Variants in IGDCC3 observed in about 807,000 individuals in gnomAD.
The protein encoded by IGDCC3 is putative neuronal cell adhesion molecule.
A neutral mutation model predicts 72.0 loss-of-function variants in IGDCC3; 47 were observed. The observed-to-expected ratio is 0.65, with a 90% confidence interval of 0.52 to 0.83. The LOEUF (loss-of-function observed/expected upper bound fraction) is 0.83. Ranked by LOEUF, IGDCC3 falls within the 40% of genes least tolerant of loss-of-function variation. IGDCC3 has a pLI of 0.00. For synonymous variants in IGDCC3, 477 were observed against 472.8 expected (o/e 1.01, Z -0.11); for missense variants, 1,038 against 1,091.3 (o/e 0.95, Z 0.69).
intron 2 of IGDCC3, among the ~76,000 whole-genome samples, chr15:65,357,460 G>A (rs1315048733): frequency 6.6e-6 from 1 of 152,144 alleles, no homozygotes; most frequent in African/African-American, 2.4e-5. Flanking sequence ...ACCATAATTC[G>A]ATTATAAGCA....
At chr15:65,335,600 C>A (rs528637234) in intron 3 of IGDCC3, among the ~76,000 whole-genome samples, 179 bp from the exon 4 acceptor site, 2 of 152,200 alleles carry the variant, frequency 1.3e-5, no homozygotes, top group South Asian at 4.1e-4. Context: ...TGACAACGAT[C>A]GCACACATCC....
chr15:65,328,989 C>T lies in IGDCC3; in HGVS notation c.2365G>A (p.Gly789Ser), dbSNP rs747895419. The change falls in exon 14 of 14, where the codon GGC (glycine) becomes AGC (serine). Residue 789 changes from glycine (G) to serine (S), a missense_variant. Coordinates refer to ENST00000327987, the MANE Select transcript of IGDCC3 (RefSeq NM_004884.4). ...TGGCCTTCACTGAGGAGGCCAGGGC[C>T]TCCATCTGGGGGTGGTGGGGCAGCC... ...LAAAPPPPDG[G>S]PGLLSEGQAS... 1.4e-5 allele frequency: 23 copies of T among 1,609,798 alleles called. No homozygotes were observed. The highest frequency in any genetic ancestry group is 3.3e-5 in the South Asian group (3 of 90,714).
chr15:65,343,107 T>C lies in IGDCC3; in HGVS notation c.410-7151A>G, dbSNP rs187449122. On this transcript the variant is annotated intron_variant, in intron 2 of 13. Coordinates refer to ENST00000327987, the MANE Select transcript of IGDCC3 (RefSeq NM_004884.4). ...CAGGGATGATCACAGCTCAAGTCAC[T>C]AGAGCCACTGCAATAGGGGGATTCA... is the stretch of plus-strand genomic sequence containing the variant. 4.2e-3 allele frequency among the ~76,000 whole-genome samples: 640 copies of C among 152,318 alleles called. 1 individual carries two copies. Among genetic ancestry groups the C allele is most frequent in the Non-Finnish European group, 8.0e-3 (544 of 68,032 alleles).
At chr15:65,358,704 C>G (rs1311912713) in intron 2 of IGDCC3, among the ~76,000 whole-genome samples, 1 of 152,076 alleles carries the variant, frequency 6.6e-6, no homozygotes, top group Non-Finnish European at 1.5e-5. Context: ...CATGGTCTCT[C>G]TCTGTCACCC....
In IGDCC3 at chr15:65,328,163, G is replaced by A. The variant is rs2141028124; in HGVS notation, c.*746C>T. 1 of 152,714 alleles carries A rather than the reference G, an allele frequency of 6.5e-6. No individual in the cohort carries two copies. Among genetic ancestry groups the A allele is most frequent in the African/African-American group, 2.4e-5 (1 of 41,530 alleles). 9.5% of individuals were successfully genotyped at this position (152,714 alleles called of 1,614,324 possible). ...GGAGAGGTAGGTGGGCTGTGGGCAG[G>A]AGGGGCGGGGAGGCAGGTCCAGTGA... On this transcript the variant is annotated 3_prime_UTR_variant, in exon 14 of 14. Transcript: ENST00000327987.
At chr15:65,335,702 C>A in intron 3 of IGDCC3, 110 bp downstream of exon 3, 3 of 1,255,028 alleles carry the variant, frequency 2.4e-6, no homozygotes, top group South Asian at 1.3e-5. Flanking sequence ...CTATCTCAGG[C>A]ACCTGTGGGC....
At chr15:65,330,789 T>TATC (rs1304945385) in intron 9 of IGDCC3, 48 bp from the exon 10 acceptor site, 3 of 1,451,832 alleles carry the variant, frequency 2.1e-6, no homozygotes, top group Non-Finnish European at 2.8e-6. Flanking sequence ...GTGGAAGCTC[T>TATC]ATCTTTCTAC....
intron 2 of IGDCC3, among the ~76,000 whole-genome samples, chr15:65,368,369 C>T (rs1349981074): frequency 1.3e-5 from 2 of 152,146 alleles, no homozygotes; most frequent in Non-Finnish European, 2.9e-5. Flanking sequence ...CACCGGCCCA[C>T]ATTCCCAGCC....
At chr15:65,341,261 C>T (rs1375449927) in intron 2 of IGDCC3, among the ~76,000 whole-genome samples, 1 of 152,084 alleles carries the variant, frequency 6.6e-6, no homozygotes, top group African/African-American at 2.4e-5. Context: ...AAATCAAAAC[C>T]CTTGTGCAAT....
intron 8 of IGDCC3, 29 bp downstream of exon 8, chr15:65,331,383 G>A (rs1238475641): frequency 6.3e-7 from 1 of 1,581,962 alleles, no homozygotes. Context: ...TGAATTAGAG[G>A]AAGGGGCAAC....
intron 2 of IGDCC3, among the ~76,000 whole-genome samples, chr15:65,365,318 C>T (rs1427113478): frequency 6.6e-6 from 1 of 152,138 alleles, no homozygotes; most frequent in East Asian, 1.9e-4. Flanking sequence ...TCTCCATCTT[C>T]CCACCCCAGG....
At position 65,329,062 on chromosome 15, in the gene IGDCC3, C is replaced by T. The variant is rs768977354; in HGVS notation, c.2292G>A (p.Thr764=). ...LQGCGLMEGK[T]TEAKTTEATA... ...TGGCCTCTGTGGTCTTCGCCTCCGT[C>T]GTCTTCCCCTCCATCAGGCCGCACC... The change falls in exon 14 of 14, where the codon ACG becomes ACA. Residue 764 remains threonine, a synonymous_variant. Transcript: ENST00000327987. The surrounding 1 kb of genome is among the most constrained non-coding windows in gnomAD (Gnocchi z 4.1). 6.8e-6 allele frequency: 11 copies of T among 1,611,842 alleles called. No individual in the cohort carries two copies. Among genetic ancestry groups the T allele is most frequent in the South Asian group, 3.3e-5 (3 of 90,820 alleles).
intron 2 of IGDCC3, among the ~76,000 whole-genome samples, chr15:65,374,781 G>A (rs2091347997): frequency 6.6e-6 from 1 of 152,130 alleles, no homozygotes. Context: ...TCAGTGCACC[G>A]GGATGCTCAA....
At chr15:65,366,464 G>C (rs185351063) in intron 2 of IGDCC3, among the ~76,000 whole-genome samples, 1 of 152,228 alleles carries the variant, frequency 6.6e-6, no homozygotes, top group East Asian at 1.9e-4. Flanking sequence ...GGGAGGACAA[G>C]GCAGGAGAAA....
rs766794808 is a variant in IGDCC3, at chr15:65,335,834, G to A, written c.532C>T (p.Pro178Ser). ...PLITWEKNRV[P>S]IDTDNERYTL... ...CACCTCTCATTGTCCGTGTCAATTG[G>A]GACTCTGTTCTTCTCCCAAGTGATC... Residue 178 changes from proline (P) to serine (S), a missense_variant, in exon 3 of 14, where the codon CCA becomes TCA. Pro to Ser is a moderately conservative substitution (Grantham distance 74). Transcript: ENST00000327987. The A allele has an allele frequency of 6.2e-6, 10 of 1,614,150 alleles. No individual in the cohort carries two copies. The highest frequency in any genetic ancestry group is 8.5e-6 in the Non-Finnish European group (10 of 1,180,016).
intron 6 of IGDCC3, among the ~76,000 whole-genome samples, chr15:65,332,930 G>A (rs576120131): frequency 6.6e-6 from 1 of 152,224 alleles, no homozygotes; most frequent in Non-Finnish European, 1.5e-5. Context: ...AAAACAGCAC[G>A]TGGGAAGACA....
In IGDCC3 at chr15:65,330,753, G is replaced by T; in HGVS notation, c.1562-12C>A. The T allele has an allele frequency of 1.3e-6, 2 of 1,588,204 alleles. No homozygotes were observed. The highest frequency in any genetic ancestry group is 2.7e-5 in the African/African-American group (2 of 74,564). On this transcript the variant is annotated splice_polypyrimidine_tract_variant and intron_variant, in intron 9 of 13. Transcript: ENST00000327987. ...GGGTGGGGCAGGGGCTGCAGGTAGA[G>T]AAGGAGGCCACGATGTGAGGACCCA...
intron 10 of IGDCC3, 45 bp from the exon 11 acceptor site, chr15:65,330,442 C>T (rs777931726): frequency 2.7e-5 from 43 of 1,583,414 alleles, no homozygotes; most frequent in Admixed American, 2.0e-4. Context: ...TGCCCAACCA[C>T]GTGCCCTGTC....
intron 2 of IGDCC3, chr15:65,356,498 T>C (rs1384931526): frequency 6.6e-6 from 1 of 152,132 alleles, no homozygotes; most frequent in Non-Finnish European, 1.5e-5. Context: ...CCGGTAAGGC[T>C]GAGGCACTTC....
Sources: gnomAD v4.1 joint callset for allele counts (sites outside exome capture counted in the v4.1 genomes callset) on GRCh38, gnomAD v4.1.1 for gene constraint, Gnocchi (gnomAD v3.1) non-coding constraint, MANE v1.5 for transcripts, NCBI Gene and HGNC (gene_info 2026-07-23, HGNC 2026-07-21) for gene names.